Variants in PCDH15 observed in about 807,000 individuals in gnomAD.
PCDH15 encodes the protein protocadherin related 15.
In PCDH15, 129 loss-of-function variants were observed where a neutral mutation model predicts 178.5. The observed-to-expected ratio is 0.72, with a 90% CI of 0.63 to 0.84. PCDH15 has a LOEUF of 0.84. PCDH15 is among the 40% of genes least tolerant of loss of function. The pLI, the probability that PCDH15 is intolerant of heterozygous loss-of-function variation, is 0.00. For synonymous variants in PCDH15, 800 were observed against 732.0 expected (o/e 1.09, Z -1.50); for missense variants, 2,230 against 2,099.9 (o/e 1.06, Z -1.21).
At chr10:53,924,166 G>C (rs1334826294) in intron 25 of PCDH15, among the ~76,000 whole-genome samples, 4 of 152,166 alleles carry the variant, frequency 2.6e-5, no homozygotes, top group African/African-American at 9.6e-5. Flanking sequence ...CCCTCTGCTT[G>C]CGGGGAGGTG....
At chr10:54,727,878 A>G (rs975002824) in intron 1 of PCDH15, among the ~76,000 whole-genome samples, 1 of 151,498 alleles carries the variant, frequency 6.6e-6, no homozygotes, top group Non-Finnish European at 1.5e-5. Flanking sequence ...CCTAAGATTG[A>G]ACCAGAAAGA....
intron 2 of PCDH15, among the ~76,000 whole-genome samples, chr10:54,549,893 T>C (rs1365193105): frequency 1.3e-5 from 2 of 152,070 alleles, no homozygotes; most frequent in Admixed American, 6.6e-5. Context: ...ATCTTCTTAG[T>C]AAATTGAACC....
In PCDH15 at chr10:54,332,941, T is replaced by G. The variant is rs555728868; in HGVS notation, c.595-3235A>C. Among the ~76,000 whole-genome samples, 17 of 152,088 alleles carry G rather than the reference T, an allele frequency of 1.1e-4. No homozygotes were observed. In the South Asian group the frequency reaches 1.5e-3, roughly 13 times the overall value. On this transcript the variant is annotated intron_variant, in intron 6 of 37. Transcript: ENST00000644397. ...AATTTTACTTTTTATATGTATGTAT[T>G]TATTTATTTATTTATTGAGATGGAT...
At chr10:54,935,962 G>A (rs953762667) in intron 2 of PCDH15, among the ~76,000 whole-genome samples, 11 of 151,936 alleles carry the variant, frequency 7.2e-5, no homozygotes, top group African/African-American at 2.2e-4. Flanking sequence ...ACAGAGGTTT[G>A]CAACCACCAC....
At chr10:54,531,642 T>G (rs2083936764) in intron 2 of PCDH15, among the ~76,000 whole-genome samples, 1 of 152,192 alleles carries the variant, frequency 6.6e-6, no homozygotes, top group Non-Finnish European at 1.5e-5. Context: ...CAAAATGTTC[T>G]TTTAACGTTG....
At chr10:54,304,573 CAT>C (rs2060351698) in intron 8 of PCDH15, among the ~76,000 whole-genome samples, 3 of 152,036 alleles carry the variant, frequency 2.0e-5, no homozygotes, top group East Asian at 1.9e-4. Flanking sequence ...GGAATTGAAT[CAT>C]GTGTACTTTG....
At chr10:55,240,071 T>C (rs998462411) in intron 1 of PCDH15, among the ~76,000 whole-genome samples, 10 of 152,148 alleles carry the variant, frequency 6.6e-5, no homozygotes, top group Non-Finnish European at 8.8e-5. Context: ...CCTTGTACAC[T>C]GTTGATGGAA....
At chr10:55,390,198 C>A (rs998972657) in intron 2 of PCDH15, among the ~76,000 whole-genome samples, 1 of 151,742 alleles carries the variant, frequency 6.6e-6, no homozygotes, top group African/African-American at 2.4e-5. Context: ...TATATAATAG[C>A]GTTATGTCTA....
intron 2 of PCDH15, among the ~76,000 whole-genome samples, chr10:55,610,520 T>C (rs1843344882): frequency 1.3e-5 from 2 of 152,086 alleles, no homozygotes; most frequent in African/African-American, 4.8e-5. Context: ...TGGTAGATGG[T>C]AAAGGATAAG....
At chr10:54,724,299 T>A (rs1055060398) in intron 1 of PCDH15, among the ~76,000 whole-genome samples, 3 of 151,646 alleles carry the variant, frequency 2.0e-5, no homozygotes, top group African/African-American at 7.3e-5. Flanking sequence ...TATTCCATGT[T>A]CTCATTCATA....
chr10:53,941,945 T>C (rs1010038346), intron 23 of PCDH15, among the ~76,000 whole-genome samples: 3 of 152,234 alleles, frequency 2.0e-5, no homozygotes, highest in Non-Finnish European at 4.4e-5. Flanking sequence ...ACGGTAGTTC[T>C]TCCAAGCTAC....
At chr10:53,849,248 C>T (rs1254524235) in intron 28 of PCDH15, among the ~76,000 whole-genome samples, 1 of 151,928 alleles carries the variant, frequency 6.6e-6, no homozygotes, top group Non-Finnish European at 1.5e-5. Context: ...GCTGAGAAGG[C>T]ATGGAGAAAG....
intron 2 of PCDH15, among the ~76,000 whole-genome samples, chr10:55,539,320 C>T (rs1841703884): frequency 6.6e-6 from 1 of 151,966 alleles, no homozygotes; most frequent in Non-Finnish European, 1.5e-5. Context: ...ATGGTATTTA[C>T]ATTAATATCA....
At chr10:55,156,359 G>T (rs1208921634) in intron 2 of PCDH15, among the ~76,000 whole-genome samples, 1 of 152,134 alleles carries the variant, frequency 6.6e-6, no homozygotes, top group Non-Finnish European at 1.5e-5. Flanking sequence ...ACTGATGGTT[G>T]TGGTCTTTGG....
intron 3 of PCDH15, among the ~76,000 whole-genome samples, chr10:54,383,422 A>G (rs1211063966): frequency 6.6e-6 from 1 of 152,194 alleles, no homozygotes; most frequent in Non-Finnish European, 1.5e-5. Context: ...GCTTATTAGT[A>G]CTTATTAGCA....
chr10:54,658,082 A>G (rs748280690), intron 2 of PCDH15, among the ~76,000 whole-genome samples: 2 of 152,182 alleles, frequency 1.3e-5, no homozygotes, highest in African/African-American at 2.4e-5. Flanking sequence ...CTGTCACACA[A>G]ATATAAAGAA....
chr10:54,011,811 T>C (rs938599355), intron 20 of PCDH15, among the ~76,000 whole-genome samples: 6 of 152,122 alleles, frequency 3.9e-5, no homozygotes, highest in African/African-American at 1.2e-4. Context: ...AATTAGACAG[T>C]TGAAAGAACA....
chr10:54,949,947 C>T (rs1273383547), intron 2 of PCDH15, among the ~76,000 whole-genome samples: 2 of 152,042 alleles, frequency 1.3e-5, no homozygotes, highest in Non-Finnish European at 2.9e-5. Context: ...TTCAACAAGT[C>T]TCTAGGAAGT....
At chr10:55,284,929 G>A (rs770361751) in intron 1 of PCDH15, among the ~76,000 whole-genome samples, 80 of 151,606 alleles carry the variant, frequency 5.3e-4, no homozygotes, top group Non-Finnish European at 8.4e-4. Flanking sequence ...ATAAAGAAAA[G>A]AAATAGTCAA....
Sources: allele counts gnomAD v4.1 joint callset (sites outside exome capture counted in the v4.1 genomes callset), GRCh38; gene constraint gnomAD v4.1.1; transcripts MANE v1.5; gene names NCBI Gene and HGNC (gene_info 2026-07-23, HGNC 2026-07-21).